The following FREM3 variants were observed in gnomAD, a reference collection of about 807,000 sequenced individuals.
The protein encoded by FREM3 is FRAS1-related extracellular matrix protein 3.
A neutral mutation model predicts 129.1 loss-of-function variants in FREM3; 105 were observed. The observed-to-expected ratio is 0.81, with a 90% CI of 0.69 to 0.96. The LOEUF is 0.96. FREM3 is among the 40% of genes least tolerant of loss of function. The pLI is 0.00. For missense variants in FREM3, 2,593 were observed against 2,666.3 expected (o/e 0.97, Z 0.61); for synonymous variants, 1,014 against 1,044.9 (o/e 0.97, Z 0.57).
At chr4:143,677,310 C>G (rs1346958409) in intron 2 of FREM3, among the ~76,000 whole-genome samples, 1 of 152,098 alleles carries the variant, frequency 6.6e-6, no homozygotes, top group Non-Finnish European at 1.5e-5. Context: ...CCCTATTTAA[C>G]AAATGGTGCT....
intron 6 of FREM3, among the ~76,000 whole-genome samples, chr4:143,595,094 T>C (rs2149836016): frequency 6.6e-6 from 1 of 152,264 alleles, no homozygotes; most frequent in South Asian, 2.1e-4. Context: ...TTAAAATGAG[T>C]TCAGTGTTCA....
chr4:143,653,435 T>A (rs1739546534), intron 2 of FREM3, among the ~76,000 whole-genome samples: 1 of 152,226 alleles, frequency 6.6e-6, no homozygotes, highest in Non-Finnish European at 1.5e-5. Context: ...GTGGCTCTTT[T>A]AATAGGTAGT....
chr4:143,667,539 A>AC (rs1560864648), intron 2 of FREM3, among the ~76,000 whole-genome samples: 1 of 151,494 alleles, frequency 6.6e-6, no homozygotes, highest in East Asian at 1.9e-4. Context: ...CAGGAAACTC[A>AC]TTTTTTTTTC....
At chr4:143,606,438 TTGG>T (rs1409568945) in intron 6 of FREM3, among the ~76,000 whole-genome samples, 1 of 152,084 alleles carries the variant, frequency 6.6e-6, no homozygotes, top group Non-Finnish European at 1.5e-5. Context: ...GGGTTAAACT[TTGG>T]TGACTGGTGA....
chr4:143,625,234 C>A (rs1466433695), intron 3 of FREM3, among the ~76,000 whole-genome samples: 2 of 152,108 alleles, frequency 1.3e-5, no homozygotes, highest in African/African-American at 2.4e-5. Context: ...TTTTAACATA[C>A]CAAGAAAACA....
chr4:143,627,882 TTA>T, intron 2 of FREM3, 122 bp from the exon 3 acceptor site: 1 of 673,818 alleles, frequency 1.5e-6, no homozygotes, highest in African/African-American at 1.8e-5. Context: ...TTATTTTATT[TTA>T]TTTTTTTGGT....
chr4:143,595,254 A>G (rs1173269191), intron 6 of FREM3, among the ~76,000 whole-genome samples: 1 of 152,246 alleles, frequency 6.6e-6, no homozygotes, highest in Admixed American at 6.5e-5. Flanking sequence ...AACAGATTCT[A>G]GAAACAGACG....
At chr4:143,622,196 C>A (rs940806645) in intron 4 of FREM3, among the ~76,000 whole-genome samples, 1 of 151,360 alleles carries the variant, frequency 6.6e-6, no homozygotes, top group African/African-American at 2.4e-5. Context: ...CAGGTTCAAG[C>A]AACTCTCGTG....
Position 143,693,121 on chromosome 4 carries a change from T to A in FREM3, c.5267A>T (p.Glu1756Val). ...ASKDIFYFSVEDNGGNKLTNQ... is the reference protein window; with the variant it reads ...ASKDIFYFSVVDNGGNKLTNQ... ...GGTTTATTATGACTTACCATTGTCT[T>A]CAACAGAGAAATAGAAGATGTCCTT... The change falls in exon 2 of 8, where the codon GAA becomes GTA. Residue 1756 changes from glutamate (E) to valine (V), a missense_variant. This residue lies in a region of FREM3 where 2,276 missense variants were observed against 2,267.2 expected (regional missense o/e 1.00). Transcript: ENST00000329798. 6.7e-7 allele frequency: 1 copy of A among 1,491,790 alleles called. No individual in the cohort carries two copies. Among genetic ancestry groups the A allele is most frequent in the South Asian group, 1.3e-5 (1 of 79,044 alleles). The allele number at this position is 1,491,790 out of a possible 1,614,324, so 92.4% of individuals were successfully genotyped here.
At position 143,670,584 on chromosome 4, in the gene FREM3, G is replaced by A. The variant is rs900942774; in HGVS notation, c.5275+22529C>T. On this transcript the variant is annotated intron_variant, in intron 2 of 7. Transcript: ENST00000329798. ...ATAAACTCTTTTCAAGCAAAACGAC[G>A]TTTTTAAAATTGACGTATGTGGCAA... 5.9e-5 allele frequency among the ~76,000 whole-genome samples: 9 copies of A among 152,130 alleles called. No homozygotes were observed. In the South Asian group the frequency reaches 8.3e-4, roughly 14 times the overall value.
intron 2 of FREM3, among the ~76,000 whole-genome samples, chr4:143,649,641 G>GGCTT (rs1005107922): frequency 1.3e-5 from 2 of 152,054 alleles, no homozygotes; most frequent in Non-Finnish European, 1.5e-5. Flanking sequence ...TTTCTTCCTT[G>GGCTT]GCTTGGACTA....
In FREM3 at chr4:143,700,227, T is replaced by C; in HGVS notation, c.449A>G (p.His150Arg). The C allele has an allele frequency of 6.5e-7, 1 of 1,536,890 alleles. No homozygotes were observed. The highest frequency in any genetic ancestry group is 8.7e-7 in the Non-Finnish European group (1 of 1,146,882). Residue 150 changes from histidine to arginine, a missense_variant, in exon 1 of 8, where the codon CAC becomes CGC. This residue lies in a region of FREM3 where 2,276 missense variants were observed against 2,267.2 expected (regional missense o/e 1.00). Coordinates refer to ENST00000329798, the MANE Select transcript of FREM3 (RefSeq NM_001168235.2). ...CAGCGTGAAGGGCAGCACCAGAGTG[T>C]GAGTCGGGGCGTCGTAGCGCAGCTG... Reference protein sequence around the residue: ...LLQLRYDAPTHTLVLPFTLAV... With the variant: ...LLQLRYDAPTRTLVLPFTLAV...
At chr4:143,662,103 G>T (rs1366178138) in intron 2 of FREM3, among the ~76,000 whole-genome samples, 1 of 151,876 alleles carries the variant, frequency 6.6e-6, no homozygotes, top group Non-Finnish European at 1.5e-5. Flanking sequence ...GTTCTGCTCT[G>T]ATTTTAGTTA....
chr4:143,627,060 C>T (rs891158360), intron 3 of FREM3, among the ~76,000 whole-genome samples: 9 of 151,906 alleles, frequency 5.9e-5, no homozygotes, highest in Non-Finnish European at 1.0e-4. Context: ...TATAGTATAC[C>T]GGCATTATGT....
At chr4:143,684,757 T>G (rs1389854125) in intron 2 of FREM3, among the ~76,000 whole-genome samples, 2 of 152,168 alleles carry the variant, frequency 1.3e-5, no homozygotes, top group South Asian at 4.2e-4. Context: ...ATCCAAAAAA[T>G]GATACAAGAA....
chr4:143,676,104 A>G (rs2149857435), intron 2 of FREM3, among the ~76,000 whole-genome samples: 1 of 152,312 alleles, frequency 6.6e-6, no homozygotes, highest in Middle Eastern at 3.4e-3. Context: ...AGAATTTTAG[A>G]CCAATATCCC....
At chr4:143,642,196 G>C (rs908610176) in intron 2 of FREM3, among the ~76,000 whole-genome samples, 3 of 151,558 alleles carry the variant, frequency 2.0e-5, no homozygotes, top group African/African-American at 7.3e-5. Flanking sequence ...TGGATTCTAA[G>C]TATTAGTATT....
intron 2 of FREM3, among the ~76,000 whole-genome samples, chr4:143,669,480 G>T (rs1192603446): frequency 6.6e-6 from 1 of 151,782 alleles, no homozygotes; most frequent in African/African-American, 2.4e-5. Flanking sequence ...TAGAGACCGG[G>T]TCATCCTATG....
At chr4:143,675,106 C>G (rs1447729400) in intron 2 of FREM3, among the ~76,000 whole-genome samples, 1 of 152,182 alleles carries the variant, frequency 6.6e-6, no homozygotes, top group Non-Finnish European at 1.5e-5. Context: ...AGCACCACAC[C>G]ACACCTATTC....
Sources: gnomAD v4.1 joint callset for allele counts (sites outside exome capture counted in the v4.1 genomes callset) on GRCh38, gnomAD v4.1.1 for gene constraint, gnomAD v4.1.1 regional missense constraint, MANE v1.5 for transcripts, NCBI Gene and HGNC (gene_info 2026-07-23, HGNC 2026-07-21) for gene names.